DNAH12: variants seen among roughly 807,000 people sequenced by gnomAD.
DNAH12 encodes the protein dynein axonemal heavy chain 12, also known as axonemal beta dynein heavy chain 12.
DNAH12 carries 285 observed loss-of-function variants against 371.5 expected under a neutral mutation model. The ratio of observed to expected loss-of-function variants is 0.77; its 90% CI spans 0.70 to 0.85. The LOEUF (loss-of-function observed/expected upper bound fraction) is 0.85. Ranked by LOEUF, DNAH12 falls within the 40% of genes least tolerant of loss-of-function variation. The pLI, the probability that DNAH12 is intolerant of heterozygous loss-of-function variation, is 0.00. For synonymous variants in DNAH12, 1,200 were observed against 1,213.0 expected (o/e 0.99, Z 0.22); for missense variants, 3,611 against 3,689.4 (o/e 0.98, Z 0.55).
intron 43 of DNAH12, among the ~76,000 whole-genome samples, chr3:57,396,815 G>A (rs943251185): frequency 2.6e-5 from 4 of 152,100 alleles, no homozygotes; most frequent in Non-Finnish European, 5.9e-5. Context: ...CAGGTGATCC[G>A]AGACCAACCT....
chr3:57,521,498 TA>T (rs1162093190), intron 4 of DNAH12, among the ~76,000 whole-genome samples: 1 of 150,522 alleles, frequency 6.6e-6, no homozygotes, highest in Non-Finnish European at 1.5e-5. Flanking sequence ...CCCCTGTCTC[TA>T]AAAAAAAAGA....
intron 62 of DNAH12, among the ~76,000 whole-genome samples, chr3:57,328,580 C>T (rs2062007590): frequency 6.6e-6 from 1 of 151,830 alleles, no homozygotes. Context: ...AACAGCTATC[C>T]ATGACAAACC....
intron 62 of DNAH12, among the ~76,000 whole-genome samples, chr3:57,325,796 A>C (rs569094041): frequency 1.3e-4 from 20 of 152,198 alleles, no homozygotes; most frequent in Admixed American, 4.6e-4. Flanking sequence ...TTCAAACCAA[A>C]GGCAAAGAAG....
chr3:57,546,656 TG>T (rs529134488), upstream of DNAH12, among the ~76,000 whole-genome samples: 156 of 152,328 alleles, frequency 1.0e-3, no homozygotes, highest in South Asian at 2.3e-3. Context: ...AATGTCAATT[TG>T]GTTAGGCTAA....
chr3:57,538,132 A>G (rs931959181), intron 2 of DNAH12, among the ~76,000 whole-genome samples: 6 of 152,198 alleles, frequency 3.9e-5, no homozygotes, highest in African/African-American at 1.4e-4. Context: ...ATTAATAAGG[A>G]GAAGGAAAAA....
intron 58 of DNAH12, among the ~76,000 whole-genome samples, chr3:57,359,579 A>AAG (rs2062877535): frequency 6.6e-6 from 1 of 150,574 alleles, no homozygotes. Context: ...AAAAAAAAAA[A>AAG]AGAAAGAAAG....
intron 60 of DNAH12, among the ~76,000 whole-genome samples, chr3:57,348,556 G>A (rs1424292358): frequency 6.6e-6 from 1 of 152,116 alleles, no homozygotes; most frequent in African/African-American, 2.4e-5. Context: ...ATATCACTCT[G>A]GTAAGGGGTT....
chr3:57,480,327 T>C (rs1286345106), intron 13 of DNAH12, among the ~76,000 whole-genome samples: 1 of 151,926 alleles, frequency 6.6e-6, no homozygotes, highest in African/African-American at 2.4e-5. Flanking sequence ...CTAGAAGAAA[T>C]GGATAAATTC....
chr3:57,420,420 T>C (rs1343297505), intron 36 of DNAH12, among the ~76,000 whole-genome samples: 1 of 152,212 alleles, frequency 6.6e-6, no homozygotes, highest in Non-Finnish European at 1.5e-5. Context: ...GGGTGAATGT[T>C]TCTTTAGTAA....
intron 1 of DNAH12, among the ~76,000 whole-genome samples, chr3:57,543,185 C>T (rs1023224343): frequency 2.0e-5 from 3 of 152,020 alleles, no homozygotes; most frequent in African/African-American, 7.3e-5. Flanking sequence ...TGTAAATATC[C>T]CTACAGCTGT....
At chr3:57,408,151 T>C (rs2064094243) in intron 40 of DNAH12, 129 bp downstream of exon 40, 1 of 1,035,948 alleles carries the variant, frequency 9.7e-7, no homozygotes, top group African/African-American at 1.7e-5. Context: ...GTGATCTTCC[T>C]ATTCTCTGGT....
chr3:57,438,916 G>GAAAAAAAAAAAAA (rs1417929912), intron 29 of DNAH12, among the ~76,000 whole-genome samples: 1 of 8,952 alleles, frequency 1.1e-4, no homozygotes. Context: ...CTCTGTCTCA[G>GAAAAAAAAAAAAA]ACAAAAAAAA....
intron 58 of DNAH12, among the ~76,000 whole-genome samples, chr3:57,359,634 C>T (rs2062879197): frequency 6.7e-6 from 1 of 149,444 alleles, no homozygotes; most frequent in East Asian, 2.0e-4. Flanking sequence ...AAGAGGGCAA[C>T]TCATTACTTG....
chr3:57,305,601 C>G (rs2061453391), intron 69 of DNAH12, among the ~76,000 whole-genome samples: 1 of 152,128 alleles, frequency 6.6e-6, no homozygotes, highest in Admixed American at 6.5e-5. Context: ...TCTTTTTCAT[C>G]AAATATGAAA....
chr3:57,370,171 A>C (rs2063139232), intron 55 of DNAH12, among the ~76,000 whole-genome samples: 2 of 152,028 alleles, frequency 1.3e-5, no homozygotes, highest in Admixed American at 6.6e-5. Flanking sequence ...GCAATGTATA[A>C]ACACTAAAAA....
rs2066054997 is a variant in DNAH12, at chr3:57,461,557, C to T, written c.2668G>A (p.Asp890Asn). The T allele has an allele frequency of 7.1e-6, 11 of 1,551,272 alleles. No homozygotes were observed. Among genetic ancestry groups the T allele is most frequent in the Non-Finnish European group, 8.7e-6 (10 of 1,146,842 alleles). Reference sequence around the variant, plus strand: ...ATTGTCTGAGTTTTTATAATTTGATCATCAAGGATGGCCTGAATCTCATCC... The same window carrying T: ...ATTGTCTGAGTTTTTATAATTTGATTATCAAGGATGGCCTGAATCTCATCC... ...SVDEIQAILD[D>N]QIIKTQTMRG... is the part of the protein sequence containing the mutation. Residue 890 changes from aspartate (D) to asparagine (N), a missense_variant, in exon 19 of 74, where the codon GAT becomes AAT. Coordinates refer to ENST00000495027, the MANE Select transcript of DNAH12 (RefSeq NM_001366028.2).
intron 50 of DNAH12, among the ~76,000 whole-genome samples, chr3:57,380,705 T>A (rs2063371786): frequency 6.6e-6 from 1 of 152,174 alleles, no homozygotes; most frequent in African/African-American, 2.4e-5. Context: ...CCTCAAGTGA[T>A]CCACCTGCCT....
Position 57,387,225 on chromosome 3 carries a change from A to G in DNAH12, c.7306-6T>C, listed in dbSNP as rs1292760198. On this transcript the variant is annotated splice_polypyrimidine_tract_variant and splice_region_variant and intron_variant, in intron 45 of 73. Coordinates refer to ENST00000495027, the MANE Select transcript of DNAH12 (RefSeq NM_001366028.2). ...AGAGCATCTTCAGGCCATGACTAAA[A>G]ATAAGAAAAAGAAAAACACTTGAAA... The G allele has an allele frequency of 1.3e-5, 2 of 152,066 alleles. No individual in the cohort carries two copies. Among genetic ancestry groups the G allele is most frequent in the East Asian group, 3.9e-4 (2 of 5,190 alleles). 9.4% of individuals were successfully genotyped at this position (152,066 alleles called of 1,614,324 possible).
chr3:57,295,599 C>T lies in DNAH12; in HGVS notation c.11625-7G>A, dbSNP rs374138336. On this transcript the variant is annotated splice_region_variant and splice_polypyrimidine_tract_variant and intron_variant, in intron 72 of 73. Transcript: ENST00000495027. ...TTGTTCAGCAAGCAATCCACTGTAA[C>T]GAGAAATTGACAGAAATTATTAGAA... The T allele has an allele frequency of 4.4e-5, 68 of 1,535,818 alleles. No individual in the cohort carries two copies. The highest frequency in any genetic ancestry group is 4.3e-4 in the African/African-American group (31 of 72,478).
Sources: gnomAD v4.1 joint callset for allele counts (sites outside exome capture counted in the v4.1 genomes callset) on GRCh38, gnomAD v4.1.1 for gene constraint, MANE v1.5 for transcripts, NCBI Gene and HGNC (gene_info 2026-07-23, HGNC 2026-07-21) for gene names.